NHS: variants seen among roughly 807,000 people sequenced by gnomAD.
NHS encodes the protein NHS actin remodeling regulator.
A neutral mutation model predicts 72.5 loss-of-function variants in NHS; 5 were observed. That is an observed-to-expected ratio of 0.07 (90% CI 0.04 to 0.14). NHS has a LOEUF of 0.14. Ranked by LOEUF, NHS falls within the 10% of genes least tolerant of loss-of-function variation. The pLI, the probability that NHS is intolerant of heterozygous loss-of-function variation, is 1.00. For missense variants in NHS, 1,072 were observed against 1,355.7 expected (o/e 0.79, Z 3.29); for synonymous variants, 464 against 547.7 (o/e 0.85, Z 2.13).
intron 1 of NHS, among the ~76,000 whole-genome samples, chrX:17,668,270 C>T (rs2066024986): frequency 9.1e-6 from 1 of 109,728 alleles, no homozygotes; most frequent in African/African-American, 3.3e-5. Flanking sequence ...CACACACACA[C>T]CCACACACAA....
At chrX:17,459,437 T>G (rs1053055178) in intron 1 of NHS, among the ~76,000 whole-genome samples, 4 of 111,957 alleles carry the variant, frequency 3.6e-5, no homozygotes, top group Non-Finnish European at 7.5e-5. Context: ...GGCTGAGAAC[T>G]CTGTGCAGAT....
intron 1 of NHS, among the ~76,000 whole-genome samples, chrX:17,624,876 C>T (rs1050487492): frequency 2.7e-5 from 3 of 112,069 alleles, no homozygotes; most frequent in Non-Finnish European, 5.6e-5. Context: ...TAACAGCATC[C>T]GCTACCAAGC....
Position 17,388,836 on chromosome X carries a change from G to A in NHS, c.565+12514G>A, listed in dbSNP as rs140192726. ...AGAGGGGTAGAAGCCAGGAGACCAA[G>A]TAGGAGGCTTTTGCAGTAATCCTGG... On this transcript the variant is annotated intron_variant, in intron 1 of 8. Transcript: ENST00000676302. Among the ~76,000 whole-genome samples the A allele has an allele frequency of 7.5e-3, 824 of 110,569 alleles. 7 individuals carry two copies. Among genetic ancestry groups the A allele is most frequent in the African/African-American group, 0.026 (788 of 30,339 alleles).
intron 1 of NHS, among the ~76,000 whole-genome samples, chrX:17,559,126 C>T (rs924562826): frequency 1.8e-5 from 2 of 111,817 alleles, no homozygotes; most frequent in African/African-American, 6.5e-5. Context: ...TATGTGGCTC[C>T]CTGAGAGGGC....
intron 1 of NHS, among the ~76,000 whole-genome samples, chrX:17,620,596 GAAA>G (rs371791989): frequency 2.1e-5 from 2 of 97,001 alleles, no homozygotes; most frequent in African/African-American, 3.7e-5. Flanking sequence ...AAAGTTCCCT[GAAA>G]AAAAAAAAAA....
chrX:17,397,605 C>A (rs2064483126), intron 1 of NHS, among the ~76,000 whole-genome samples: 1 of 111,957 alleles, frequency 8.9e-6, no homozygotes, highest in Non-Finnish European at 1.9e-5. Flanking sequence ...CTGAGAGTAA[C>A]TTGGCGTTGC....
chrX:17,446,146 C>G (rs1456926377), intron 1 of NHS, among the ~76,000 whole-genome samples: 1 of 110,867 alleles, frequency 9.0e-6, no homozygotes, highest in Non-Finnish European at 1.9e-5. Context: ...AGCTTAATCT[C>G]TCCCACTCTA....
intron 3 of NHS, among the ~76,000 whole-genome samples, chrX:17,709,103 A>T (rs191492161): frequency 9.0e-6 from 1 of 111,100 alleles, no homozygotes; most frequent in African/African-American, 3.3e-5. Flanking sequence ...CCTCCCATTT[A>T]ACTCACCTGT....
chrX:17,437,964 G>C (rs1348308051), intron 1 of NHS, among the ~76,000 whole-genome samples: 1 of 111,747 alleles, frequency 8.9e-6, no homozygotes, highest in African/African-American at 3.3e-5. Context: ...TCTGTGCCTA[G>C]GATACATTTC....
chrX:17,673,239 A>ACACAC (rs2066060154), intron 1 of NHS, among the ~76,000 whole-genome samples: 1 of 89,616 alleles, frequency 1.1e-5, no homozygotes, highest in African/African-American at 4.1e-5. Flanking sequence ...CACACACACA[A>ACACAC]GAAAGCTCGT....
chrX:17,543,854 T>C (rs1257987627), intron 1 of NHS, among the ~76,000 whole-genome samples: 1 of 111,622 alleles, frequency 9.0e-6, no homozygotes, highest in Non-Finnish European at 1.9e-5. Flanking sequence ...CACTTAAAAG[T>C]GCCTGGATTC....
chrX:17,376,226 A>T lies in NHS; in HGVS notation c.469A>T (p.Ile157Phe). The change falls in exon 1 of 9, where the codon ATC (isoleucine) becomes TTC (phenylalanine). Residue 157 changes from isoleucine (I) to phenylalanine (F), a missense_variant. Transcript: ENST00000676302. ...CSLFQELESD[I>F]QLTHRRVWAL... ...CCTCTTCCAGGAGCTCGAGAGCGAC[A>T]TCCAGCTCACCCACCGCCGCGTCTG... The T allele has an allele frequency of 8.4e-7, 1 of 1,184,075 alleles. No individual in the cohort carries two copies. The highest frequency in any genetic ancestry group is 1.1e-6 in the Non-Finnish European group (1 of 887,155).
At chrX:17,452,404 A>G (rs2064809015) in intron 1 of NHS, among the ~76,000 whole-genome samples, 1 of 111,329 alleles carries the variant, frequency 9.0e-6, no homozygotes, top group South Asian at 3.8e-4. Flanking sequence ...GATAATCTAA[A>G]TCTGGGGCCT....
At chrX:17,433,041 T>A (rs1407338542) in intron 1 of NHS, among the ~76,000 whole-genome samples, 3 of 110,504 alleles carry the variant, frequency 2.7e-5, no homozygotes, top group African/African-American at 9.9e-5. Flanking sequence ...CTCCCCCTTT[T>A]TTTTTTGAGA....
intron 1 of NHS, among the ~76,000 whole-genome samples, chrX:17,627,531 G>T: frequency 9.0e-6 from 1 of 111,713 alleles, no homozygotes; most frequent in Non-Finnish European, 1.9e-5. Flanking sequence ...AATACATTTG[G>T]ATTGGGGAAG....
chrX:17,611,412 G>C (rs1280351995), intron 1 of NHS, among the ~76,000 whole-genome samples: 1 of 112,168 alleles, frequency 8.9e-6, no homozygotes, highest in African/African-American at 3.2e-5. Context: ...CAAATCAGTG[G>C]ACAAAATGTG....
chrX:17,544,491 A>T (rs2146954511), intron 1 of NHS, among the ~76,000 whole-genome samples: 1 of 112,283 alleles, frequency 8.9e-6, no homozygotes, highest in South Asian at 3.7e-4. Context: ...TATTTTTCCA[A>T]TAAAAATACT....
intron 1 of NHS, among the ~76,000 whole-genome samples, chrX:17,671,371 A>C (rs943092434): frequency 8.9e-6 from 1 of 112,395 alleles, no homozygotes; most frequent in African/African-American, 3.2e-5. Flanking sequence ...GGATGCCCCA[A>C]AGCAACTCCT....
intron 1 of NHS, among the ~76,000 whole-genome samples, chrX:17,519,910 T>G (rs2065139497): frequency 9.0e-6 from 1 of 110,745 alleles, no homozygotes; most frequent in Admixed American, 9.6e-5. Context: ...GTTCTTTGCC[T>G]CTTAATCTCT....
Sources: allele counts gnomAD v4.1 joint callset (sites outside exome capture counted in the v4.1 genomes callset), GRCh38; gene constraint gnomAD v4.1.1; transcripts MANE v1.5; gene names NCBI Gene and HGNC (gene_info 2026-07-23, HGNC 2026-07-21).